CLYBL: variants seen among roughly 807,000 people sequenced by gnomAD.
CLYBL encodes citramalyl-CoA lyase, mitochondrial.
A neutral mutation model predicts 38.9 loss-of-function variants in CLYBL; 31 were observed. The observed-to-expected ratio is 0.80, with a 90% CI of 0.60 to 1.08. The LOEUF is 1.08. CLYBL is among the 50% of genes least tolerant of loss of function. The pLI is 0.00. For missense variants in CLYBL, 434 were observed against 411.6 expected, an observed-to-expected ratio of 1.05 and a Z score of -0.47; for synonymous variants, 171 against 158.6, an observed-to-expected ratio of 1.08 and a Z score of -0.59.
At chr13:99,753,520 C>T (rs1049740014) in intron 1 of CLYBL, among the ~76,000 whole-genome samples, 5 of 152,138 alleles carry the variant, frequency 3.3e-5, no homozygotes, top group African/African-American at 4.8e-5. Flanking sequence ...GGATGTAAGT[C>T]CCATCCTAAA....
chr13:99,696,656 A>T lies in CLYBL; in HGVS notation c.63-76168A>T, dbSNP rs192933674. On this transcript the variant is annotated intron_variant, in intron 1 of 8. Coordinates refer to ENST00000339105, the MANE Select transcript of CLYBL (RefSeq NM_206808.5). ...GACTTGGGAAAGAAGGAAAAAAAAA[A>T]GTATGAGGCTGGGCATGGTAGCTTG... Among the ~76,000 whole-genome samples, 438 of 152,176 alleles carry T rather than the reference A, an allele frequency of 2.9e-3. 2 individuals are homozygous for T. The highest frequency in any genetic ancestry group is 9.9e-3 in the African/African-American group (410 of 41,536).
At chr13:99,673,389 G>A (rs1464498518) in intron 1 of CLYBL, among the ~76,000 whole-genome samples, 1 of 150,738 alleles carries the variant, frequency 6.6e-6, no homozygotes, top group Non-Finnish European at 1.5e-5. Context: ...CTCTAGCCTG[G>A]GCGACAGAGC....
At chr13:99,891,574 C>T (rs2052490958) in intron 8 of CLYBL, 137 bp downstream of exon 8, 9 of 547,012 alleles carry the variant, frequency 1.6e-5, no homozygotes. Flanking sequence ...TCTCACTGGC[C>T]AGTTATTCCC....
chr13:99,815,317 A>T (rs9585231), intron 2 of CLYBL, among the ~76,000 whole-genome samples: 45,328 of 148,138 alleles, frequency 0.31, 7,055 homozygotes, highest in Middle Eastern at 0.38. Flanking sequence ...GGTGTAGATG[A>T]GGGGATGGAT....
At chr13:99,771,998 CACTT>C (rs1347958569) in intron 1 of CLYBL, among the ~76,000 whole-genome samples, 1 of 152,222 alleles carries the variant, frequency 6.6e-6, no homozygotes, top group Non-Finnish European at 1.5e-5. Flanking sequence ...CCTTCCTACT[CACTT>C]AAAAAGAACC....
chr13:99,635,174 A>T (rs949176909), intron 1 of CLYBL, among the ~76,000 whole-genome samples: 24 of 152,064 alleles, frequency 1.6e-4, no homozygotes, highest in African/African-American at 5.1e-4. Flanking sequence ...TCACCTTGTT[A>T]ATGACCCCAG....
chr13:99,721,518 T>A (rs938058879), intron 1 of CLYBL, among the ~76,000 whole-genome samples: 11 of 152,022 alleles, frequency 7.2e-5, no homozygotes, highest in African/African-American at 1.4e-4. Flanking sequence ...AGGGTACATG[T>A]GCACAACGTG....
chr13:99,885,021 A>T, intron 7 of CLYBL: 1 of 513,628 alleles, frequency 1.9e-6, no homozygotes. Context: ...AGCCTTTTCC[A>T]TCATCACCAG....
intron 1 of CLYBL, among the ~76,000 whole-genome samples, chr13:99,694,177 C>T (rs2047946484): frequency 1.3e-5 from 2 of 152,172 alleles, no homozygotes; most frequent in South Asian, 4.1e-4. Context: ...AAATCAGTGG[C>T]TGCTCTGTGT....
intron 1 of CLYBL, among the ~76,000 whole-genome samples, chr13:99,693,612 C>T (rs2047939166): frequency 1.3e-5 from 2 of 151,720 alleles, no homozygotes; most frequent in South Asian, 4.2e-4. Context: ...TTTTAAGTAC[C>T]ACTGAAACCC....
At chr13:99,899,519 G>A (rs1043474833), downstream of CLYBL, among the ~76,000 whole-genome samples, 4 of 152,244 alleles carry the variant, frequency 2.6e-5, no homozygotes, top group South Asian at 8.3e-4. Context: ...AGGGTTGGGG[G>A]TGGGGCAATG....
At chr13:99,877,206 C>G (rs1353118854) in intron 7 of CLYBL, among the ~76,000 whole-genome samples, 2 of 152,220 alleles carry the variant, frequency 1.3e-5, no homozygotes, top group African/African-American at 4.8e-5. Context: ...GAGTCACACT[C>G]TCAGTTACAC....
chr13:99,868,110 G>T (rs2051795822), intron 6 of CLYBL, among the ~76,000 whole-genome samples: 1 of 152,072 alleles, frequency 6.6e-6, no homozygotes, highest in Non-Finnish European at 1.5e-5. Flanking sequence ...GGGGAAGCGA[G>T]GATAATGGGA....
At chr13:99,782,542 G>A (rs1427096365) in intron 2 of CLYBL, among the ~76,000 whole-genome samples, 1 of 152,070 alleles carries the variant, frequency 6.6e-6, no homozygotes, top group Admixed American at 6.6e-5. Flanking sequence ...AATTTCAAAG[G>A]ATGGGTACCT....
At position 99,772,893 on chromosome 13, in the gene CLYBL, C is replaced by G. The variant is rs1358024609; in HGVS notation, c.132C>G (p.Pro44=). ...CCTCATCCCATCACAAGTACATCCC[C>G]CGGAGGGCAGTGCTTTATGTACCTG... ...YSSSSHHKYI[P]RRAVLYVPGN... Residue 44 remains proline, a synonymous_variant, in exon 2 of 9, where the codon CCC becomes CCG. Coordinates refer to ENST00000339105, the MANE Select transcript of CLYBL (RefSeq NM_206808.5). 6.2e-7 allele frequency: 1 copy of G among 1,613,402 alleles called. No homozygotes were observed. Among genetic ancestry groups the G allele is most frequent in the East Asian group, 2.2e-5 (1 of 44,874 alleles).
chr13:99,735,733 A>T (rs778291681), intron 1 of CLYBL, among the ~76,000 whole-genome samples: 1 of 152,198 alleles, frequency 6.6e-6, no homozygotes, highest in Non-Finnish European at 1.5e-5. Flanking sequence ...GACTGTCCAA[A>T]GGATTAAGTG....
chr13:99,672,910 C>T (rs1018636648), intron 1 of CLYBL, among the ~76,000 whole-genome samples: 2 of 152,128 alleles, frequency 1.3e-5, no homozygotes, highest in East Asian at 1.9e-4. Flanking sequence ...AGGGGAAGGG[C>T]GCATGGGATC....
intron 2 of CLYBL, among the ~76,000 whole-genome samples, chr13:99,796,108 A>C (rs2050016581): frequency 6.6e-6 from 1 of 152,200 alleles, no homozygotes; most frequent in South Asian, 2.1e-4. Flanking sequence ...ATTTGTGGTC[A>C]AGACATAAGA....
intron 1 of CLYBL, among the ~76,000 whole-genome samples, chr13:99,641,704 TGGGAGGC>T (rs2047097385): frequency 6.6e-6 from 1 of 151,450 alleles, no homozygotes; most frequent in Non-Finnish European, 1.5e-5. Context: ...CCCAGCTACT[TGGGAGGC>T]TGAGGCAGGA....
Sources: allele counts gnomAD v4.1 joint callset (sites outside exome capture counted in the v4.1 genomes callset), GRCh38; gene constraint gnomAD v4.1.1; transcripts MANE v1.5; gene names NCBI Gene and HGNC (gene_info 2026-07-23, HGNC 2026-07-21).